The following CRPPA variants were observed in gnomAD, a reference collection of about 807,000 sequenced individuals.
CRPPA encodes CDP-L-ribitol pyrophosphorylase A.
Under a neutral mutation model 52.0 loss-of-function variants are expected in CRPPA, and 43 were observed. The observed-to-expected ratio is 0.83, with a 90% CI of 0.65 to 1.07. The LOEUF (loss-of-function observed/expected upper bound fraction) is 1.07. Ranked by LOEUF, CRPPA falls within the 50% of genes least tolerant of loss-of-function variation. CRPPA has a pLI of 0.00. For synonymous variants in CRPPA, 250 were observed against 203.5 expected, an observed-to-expected ratio of 1.23 and a Z score of -1.94; for missense variants, 629 against 551.7, an observed-to-expected ratio of 1.14 and a Z score of -1.40.
intron 4 of CRPPA, among the ~76,000 whole-genome samples, chr7:16,307,713 C>G (rs1279563324): frequency 1.4e-5 from 2 of 147,804 alleles, no homozygotes; most frequent in African/African-American, 5.0e-5. Context: ...AGCAAGTTAG[C>G]CATTAAAAGA....
intron 2 of CRPPA, among the ~76,000 whole-genome samples, chr7:16,401,482 A>G (rs1331688724): frequency 6.6e-6 from 1 of 152,226 alleles, no homozygotes; most frequent in Non-Finnish European, 1.5e-5. Flanking sequence ...TAAAATGACT[A>G]GAGGTGCTGG....
chr7:16,296,996 A>G (rs1382305089), intron 5 of CRPPA, among the ~76,000 whole-genome samples: 1 of 152,176 alleles, frequency 6.6e-6, no homozygotes, highest in Admixed American at 6.6e-5. Flanking sequence ...AGCTTTATAA[A>G]CCACTGATGT....
chr7:16,166,637 A>T (rs1331869228), intron 9 of CRPPA, among the ~76,000 whole-genome samples: 1 of 152,124 alleles, frequency 6.6e-6, no homozygotes, highest in South Asian at 2.1e-4. Flanking sequence ...CTCATTTGTT[A>T]TCAATTGGTT....
chr7:16,204,904 G>A (rs1257208927), intron 9 of CRPPA, among the ~76,000 whole-genome samples: 1 of 152,096 alleles, frequency 6.6e-6, no homozygotes, highest in East Asian at 1.9e-4. Flanking sequence ...GATTCTTACT[G>A]ATTATTTTTC....
intron 3 of CRPPA, among the ~76,000 whole-genome samples, chr7:16,358,760 T>C (rs972810558): frequency 1.3e-5 from 2 of 152,190 alleles, no homozygotes; most frequent in Non-Finnish European, 2.9e-5. Context: ...TGAAAAAAAC[T>C]GCTTTCTACT....
At chr7:16,231,852 A>G (rs1370155952) in intron 8 of CRPPA, among the ~76,000 whole-genome samples, 2 of 152,212 alleles carry the variant, frequency 1.3e-5, no homozygotes, top group Non-Finnish European at 2.9e-5. Flanking sequence ...CAATGAAGAA[A>G]TAATCCCTAA....
At chr7:16,389,623 G>A (rs1273247740) in intron 2 of CRPPA, among the ~76,000 whole-genome samples, 3 of 151,960 alleles carry the variant, frequency 2.0e-5, no homozygotes, top group African/African-American at 7.3e-5. Flanking sequence ...AAGAGTGTTT[G>A]TGAAAAATCC....
chr7:16,105,581 T>C (rs947573375), intron 9 of CRPPA, among the ~76,000 whole-genome samples: 3 of 152,196 alleles, frequency 2.0e-5, no homozygotes, highest in Non-Finnish European at 4.4e-5. Context: ...CTAGTGATCA[T>C]GTCACAGATC....
intron 2 of CRPPA, among the ~76,000 whole-genome samples, chr7:16,379,697 G>T (rs956079891): frequency 3.3e-5 from 5 of 151,980 alleles, no homozygotes; most frequent in Non-Finnish European, 2.9e-5. Context: ...CCTTGAAGAG[G>T]TCCTTCACAT....
chr7:16,268,654 T>C (rs989714984), intron 6 of CRPPA, among the ~76,000 whole-genome samples: 12 of 152,196 alleles, frequency 7.9e-5, no homozygotes, highest in African/African-American at 2.9e-4. Context: ...GTTTCAGAAC[T>C]AAGTATATAC....
At chr7:16,391,721 A>T (rs550141483) in intron 2 of CRPPA, among the ~76,000 whole-genome samples, 1 of 152,276 alleles carries the variant, frequency 6.6e-6, no homozygotes, top group African/African-American at 2.4e-5. Context: ...GTTTTATTGG[A>T]CAGCAGTGCC....
In CRPPA at chr7:16,334,868, A is replaced by G. The variant is rs1785639970; in HGVS notation, c.685-26241T>C. 2.6e-5 allele frequency among the ~76,000 whole-genome samples: 4 copies of G among 152,186 alleles called. No homozygotes were observed. In the South Asian group the frequency reaches 6.2e-4, roughly 24 times the overall value. ...AAAAGAACACCTGAAATAAATGGCT[A>G]TCTCCTCAAACACATAGGCATCAAT... On this transcript the variant is annotated intron_variant, in intron 3 of 9. Transcript: ENST00000407010.
At chr7:16,159,757 A>G (rs113407083) in intron 9 of CRPPA, among the ~76,000 whole-genome samples, 55,262 of 152,022 alleles carry the variant, frequency 0.36, 11,407 homozygotes, top group East Asian at 0.62. Context: ...TGCTATTTCT[A>G]CTTTTAGATC....
intron 9 of CRPPA, among the ~76,000 whole-genome samples, chr7:16,128,604 G>A (rs1401155298): frequency 2.6e-5 from 4 of 152,148 alleles, no homozygotes; most frequent in Admixed American, 6.6e-5. Context: ...ACTTTGGCCA[G>A]AATATAAAAC....
rs539497869 is a variant in CRPPA, at chr7:16,097,293, T to C, written c.1252-5494A>G. 2.0e-4 allele frequency among the ~76,000 whole-genome samples: 30 copies of C among 152,278 alleles called. No individual in the cohort carries two copies. In the South Asian group the frequency reaches 6.2e-3, roughly 32 times the overall value. Reference sequence around the variant, plus strand: ...TACCCAGCATGTAACAATTGTTCACTGAGATCTTAAAGAGTTTCATAATAG... The same window carrying C: ...TACCCAGCATGTAACAATTGTTCACCGAGATCTTAAAGAGTTTCATAATAG... On this transcript the variant is annotated intron_variant, in intron 9 of 9. Coordinates refer to ENST00000407010, the MANE Select transcript of CRPPA (RefSeq NM_001101426.4).
In CRPPA at chr7:16,217,805, C is replaced by G. The variant is rs1475897169; in HGVS notation, c.1120-1608G>C. ...ATGGGACTATGTGAAAAGACCAAAT[C>G]TACGTCTGATTGGTGTACCTGAAAG... On this transcript the variant is annotated intron_variant, in intron 8 of 9. Coordinates refer to ENST00000407010, the MANE Select transcript of CRPPA (RefSeq NM_001101426.4). Among the ~76,000 whole-genome samples, 12 of 151,412 alleles carry G rather than the reference C, an allele frequency of 7.9e-5. No homozygotes were observed. In the South Asian group the frequency reaches 2.5e-3, roughly 32 times the overall value.
At chr7:16,396,270 T>C (rs997898007) in intron 2 of CRPPA, among the ~76,000 whole-genome samples, 8 of 152,312 alleles carry the variant, frequency 5.3e-5, no homozygotes, top group African/African-American at 1.4e-4. Flanking sequence ...CAAGTGATTA[T>C]TAGCCATGGT....
At chr7:16,322,071 G>A (rs977023353) in intron 3 of CRPPA, among the ~76,000 whole-genome samples, 1 of 152,100 alleles carries the variant, frequency 6.6e-6, no homozygotes, top group East Asian at 1.9e-4. Flanking sequence ...TCCAAAATGC[G>A]AGATAATACA....
intron 9 of CRPPA, among the ~76,000 whole-genome samples, chr7:16,189,057 G>C (rs528698147): frequency 1.3e-5 from 2 of 151,890 alleles, no homozygotes; most frequent in Non-Finnish European, 2.9e-5. Flanking sequence ...AACATCATTC[G>C]ATGTCTCTGA....
Sources: allele counts gnomAD v4.1 joint callset (sites outside exome capture counted in the v4.1 genomes callset), GRCh38; gene constraint gnomAD v4.1.1; transcripts MANE v1.5; gene names NCBI Gene and HGNC (gene_info 2026-07-23, HGNC 2026-07-21).